HADHA: variants seen among roughly 807,000 people sequenced by gnomAD.
HADHA encodes the protein hydroxyacyl-CoA dehydrogenase trifunctional multienzyme complex subunit alpha, also known as trifunctional enzyme subunit alpha, mitochondrial.
HADHA carries 59 observed loss-of-function variants against 91.3 expected under a neutral mutation model. That is an observed-to-expected ratio of 0.65 (90% confidence interval 0.52 to 0.80). The LOEUF (loss-of-function observed/expected upper bound fraction) is 0.80, where lower values mean the gene tolerates loss of function less well. HADHA is among the 30% of genes least tolerant of loss of function. The probability of loss-of-function intolerance (pLI) is 0.00; values close to 1 mark genes in which losing one functional copy is unlikely to be tolerated. For synonymous variants in HADHA, 320 were observed against 338.9 expected (o/e 0.94, Z 0.61); for missense variants, 800 against 927.6 (o/e 0.86, Z 1.79).
chr2:26,236,732 A>G (rs2147784244), intron 4 of HADHA, 123 bp downstream of exon 4: 3 of 776,142 alleles, frequency 3.9e-6, no homozygotes, highest in South Asian at 3.3e-5. Flanking sequence ...TACATTTTCA[A>G]TTTTACAGGC....
At chr2:26,202,346 A>G (rs1172947039) in intron 12 of HADHA, among the ~76,000 whole-genome samples, 1 of 152,220 alleles carries the variant, frequency 6.6e-6, no homozygotes, top group Non-Finnish European at 1.5e-5. Context: ...AATTACCTAC[A>G]GTTTTCCTCT....
rs759676273 is a variant in HADHA, at chr2:26,204,493, A to AT, written c.1086-298dup. The stretch of plus-strand genomic sequence containing the variant: ...ACAACCAGTTTACATTTAAGTCAAC[A>AT]TGAGTATTTTTGTTTTTCGAACAAA... On this transcript the variant is annotated intron_variant, in intron 11 of 19. Coordinates refer to ENST00000380649, the MANE Select transcript of HADHA (RefSeq NM_000182.5). Among the ~76,000 whole-genome samples, 14 of 152,346 alleles carry AT rather than the reference A, an allele frequency of 9.2e-5. No individual in the cohort carries two copies. In the South Asian group the frequency reaches 2.1e-3, roughly 23 times the overall value.
In HADHA at chr2:26,203,691, T is replaced by A. The variant is rs376556394; in HGVS notation, c.1220+371A>T. Among the ~76,000 whole-genome samples, 30 of 152,288 alleles carry A rather than the reference T, an allele frequency of 2.0e-4. No homozygotes were observed. In the East Asian group the frequency reaches 2.3e-3, roughly 12 times the overall value. ...AGAGACAGTCATGCTGTTTGAATAA[T>A]CCTTAACAATAGAGCAATTACCTGC... On this transcript the variant is annotated intron_variant, in intron 12 of 19. Coordinates refer to ENST00000380649, the MANE Select transcript of HADHA (RefSeq NM_000182.5).
chr2:26,240,730 G>A (rs1023881940), intron 1 of HADHA, among the ~76,000 whole-genome samples: 2 of 152,060 alleles, frequency 1.3e-5, no homozygotes, highest in African/African-American at 2.4e-5. Context: ...GTAATCTTCC[G>A]GAGTAGCTAG....
In HADHA at chr2:26,237,055, A is replaced by C. The variant is rs1670781034; in HGVS notation, c.181-67T>G. The C allele has an allele frequency of 9.3e-6, 10 of 1,077,644 alleles. No individual in the cohort carries two copies. The South Asian group carries it at 1.2e-4, about 13-fold the overall frequency. 66.8% of individuals were successfully genotyped at this position (1,077,644 alleles called of 1,614,324 possible). A position where few individuals can be genotyped will look rare whatever the true frequency, so the allele number is the denominator to read the frequency against. On this transcript the variant is annotated intron_variant, in intron 3 of 19. Coordinates refer to ENST00000380649, the MANE Select transcript of HADHA (RefSeq NM_000182.5). Reference sequence around the variant, plus strand: ...AGCACTGGATGTACGTACCACCATCAAATGCTATTTTGATTATAAGAAATA... The same window carrying C: ...AGCACTGGATGTACGTACCACCATCCAATGCTATTTTGATTATAAGAAATA...
At position 26,193,589 on chromosome 2, in the gene HADHA, T is replaced by G. The variant is rs753595181; in HGVS notation, c.1873A>C (p.Lys625Gln). Residue 625 changes from lysine (K) to glutamine (Q), a missense_variant, in exon 17 of 20, where the codon AAG becomes CAG. Transcript: ENST00000380649. The stretch of plus-strand genomic sequence containing the variant: ...TGAGGCTACTCACCTAGGAAGCCCT[T>G]GGACACCATCTGTGTCAGCAGTTCT... Reference protein sequence around the residue: ...NPELLTQMVSKGFLGRKSGKG... With the variant: ...NPELLTQMVSQGFLGRKSGKG... 6.2e-7 allele frequency: 1 copy of G among 1,613,368 alleles called. No individual in the cohort carries two copies. The highest frequency in any genetic ancestry group is 8.5e-7 in the Non-Finnish European group (1 of 1,179,280).
chr2:26,222,781 C>T (rs1670404064), intron 7 of HADHA, among the ~76,000 whole-genome samples: 1 of 152,148 alleles, frequency 6.6e-6, no homozygotes, highest in South Asian at 2.1e-4. Flanking sequence ...GGGCCATGCT[C>T]ACGAAACACT....
Position 26,201,150 on chromosome 2 carries a change from G to T in HADHA, c.1391C>A (p.Ala464Glu). The T allele has an allele frequency of 6.2e-7, 1 of 1,608,916 alleles. No individual in the cohort carries two copies. Among genetic ancestry groups the T allele is most frequent in the African/African-American group, 1.3e-5 (1 of 74,912 alleles). Residue 464 changes from alanine to glutamate, a missense_variant and splice_region_variant, in exon 13 of 20, where the codon GCG becomes GAG. By Grantham distance (107) the Ala-to-Glu change is moderately radical. Coordinates refer to ENST00000380649, the MANE Select transcript of HADHA (RefSeq NM_000182.5). Reference protein sequence around the residue: ...LKHRVLKEVEAVIPDHCIFAS... With the variant: ...LKHRVLKEVEEVIPDHCIFAS... Reference sequence around the variant, plus strand: ...CAAGTACAACAGCCCCTTGCTTACCGCTTCTACTTCCTTTAGCACTCTGTG... The same window carrying T: ...CAAGTACAACAGCCCCTTGCTTACCTCTTCTACTTCCTTTAGCACTCTGTG...
chr2:26,193,053 G>A (rs1669557600), intron 17 of HADHA, among the ~76,000 whole-genome samples: 1 of 152,078 alleles, frequency 6.6e-6, no homozygotes, highest in Non-Finnish European at 1.5e-5. Flanking sequence ...TTCTCTGTGG[G>A]CCTCAACTGT....
At chr2:26,239,051 T>C (rs779904934) in intron 2 of HADHA, 47 bp from the exon 3 acceptor site, 2 of 1,570,736 alleles carry the variant, frequency 1.3e-6, no homozygotes, top group African/African-American at 1.3e-5. Context: ...TATTGCAACA[T>C]AAATCCAAAA....
At chr2:26,225,838 T>C (rs1670472777) in intron 7 of HADHA, among the ~76,000 whole-genome samples, 1 of 152,166 alleles carries the variant, frequency 6.6e-6, no homozygotes, top group South Asian at 2.1e-4. Flanking sequence ...ACAAAGGTCT[T>C]AGACATTGTG....
intron 1 of HADHA, among the ~76,000 whole-genome samples, chr2:26,240,852 T>C (rs1476421824): frequency 2.0e-5 from 3 of 152,134 alleles, no homozygotes; most frequent in Admixed American, 2.0e-4. Flanking sequence ...TTAACTCCTG[T>C]CCACTAACCT....
chr2:26,232,292 G>C lies in HADHA; in HGVS notation c.454-13C>G, dbSNP rs367636661. 6.3e-7 allele frequency: 1 copy of C among 1,583,176 alleles called. No homozygotes were observed. The highest frequency in any genetic ancestry group is 8.7e-7 in the Non-Finnish European group (1 of 1,152,064). ...ATGAAATGGCAACCTTTGAACAAAT[G>C]AAAGAAAATTAGAATGTTAGAAAAT... On this transcript the variant is annotated splice_polypyrimidine_tract_variant and intron_variant, in intron 5 of 19. Transcript: ENST00000380649.
intron 14 of HADHA, 125 bp from the exon 15 acceptor site, chr2:26,195,357 A>G (rs1669638415): frequency 1.2e-6 from 1 of 861,776 alleles, no homozygotes; most frequent in African/African-American, 1.6e-5. Context: ...TGCTTGACAT[A>G]GCTGAGTGGT....
chr2:26,234,506 T>C (rs1360224638), intron 4 of HADHA, 151 bp from the exon 5 acceptor site: 2 of 706,130 alleles, frequency 2.8e-6, no homozygotes, highest in African/African-American at 3.5e-5. Flanking sequence ...TTGCTTCAAA[T>C]AGCACAATAG....
chr2:26,243,303 T>A (rs1670956305), intron 1 of HADHA: 1 of 152,034 alleles, frequency 6.6e-6, no homozygotes. Context: ...TTTTCAAAAG[T>A]GTTGTGAAAA....
chr2:26,216,531 A>G (rs6725684), intron 7 of HADHA, among the ~76,000 whole-genome samples: 125,912 of 151,938 alleles, frequency 0.83, 52,650 homozygotes, highest in African/African-American at 0.96. Context: ...ATGTTGGCCA[A>G]GCTGGTCTTG....
intron 5 of HADHA, among the ~76,000 whole-genome samples, chr2:26,232,742 T>C (rs1055290600): frequency 6.6e-6 from 1 of 152,226 alleles, no homozygotes; most frequent in Admixed American, 6.5e-5. Context: ...TCTTAATTAA[T>C]ATAGTCATGT....
chr2:26,196,788 C>G (rs148192942), intron 14 of HADHA, among the ~76,000 whole-genome samples: 1 of 152,162 alleles, frequency 6.6e-6, no homozygotes. Context: ...GCAACGGCAT[C>G]GCCTGTACTG....
Sources: gnomAD v4.1 joint callset for allele counts (sites outside exome capture counted in the v4.1 genomes callset) on GRCh38, gnomAD v4.1.1 for gene constraint, MANE v1.5 for transcripts, NCBI Gene and HGNC (gene_info 2026-07-23, HGNC 2026-07-21) for gene names.